PCNX1: variants seen among roughly 807,000 people sequenced by gnomAD.
PCNX1 encodes the protein pecanex-like protein 1.
In PCNX1, 78 loss-of-function variants were observed where a neutral mutation model predicts 242.2. That is an observed-to-expected ratio of 0.32 (90% CI 0.27 to 0.39). The LOEUF is 0.39. PCNX1 is among the 10% of genes least tolerant of loss of function. PCNX1 has a pLI of 1.00. For synonymous variants in PCNX1, 1,024 were observed against 1,032.9 expected (o/e 0.99, Z 0.17); for missense variants, 2,581 against 2,856.5 (o/e 0.90, Z 2.20).
At position 71,075,259 on chromosome 14, in the gene PCNX1, G is replaced by A. The variant is rs117262233; in HGVS notation, c.5107-930G>A. Among the ~76,000 whole-genome samples the A allele has an allele frequency of 8.9e-3, 1,361 of 152,112 alleles. 10 individuals are homozygous for A. The highest frequency in any genetic ancestry group is 0.012 in the Non-Finnish European group (841 of 67,970). ...TCCCACACTGGCCTCCCAAAGTGCT[G>A]GGGTTATAGGTGTGAGCCGCCATCC... On this transcript the variant is annotated intron_variant, in intron 27 of 35. Coordinates refer to ENST00000304743, the MANE Select transcript of PCNX1 (RefSeq NM_014982.3).
At chr14:70,963,648 A>C (rs770629882) in intron 3 of PCNX1, among the ~76,000 whole-genome samples, 1 of 152,230 alleles carries the variant, frequency 6.6e-6, no homozygotes, top group Non-Finnish European at 1.5e-5. Flanking sequence ...TTTAAAGTTA[A>C]AGTGAATGAC....
chr14:70,945,614 C>G (rs2057425274), intron 1 of PCNX1, among the ~76,000 whole-genome samples: 1 of 151,624 alleles, frequency 6.6e-6, no homozygotes, highest in South Asian at 2.1e-4. Flanking sequence ...TACCTGTATT[C>G]TAAACCTGTC....
chr14:71,088,236 G>T (rs1418972953), intron 28 of PCNX1, 94 bp from the exon 29 acceptor site: 4 of 643,656 alleles, frequency 6.2e-6, no homozygotes, highest in Admixed American at 2.4e-5. Flanking sequence ...TGTACTCTTT[G>T]AATTCTTTAT....
chr14:71,106,011 T>G (rs1467490954), intron 33 of PCNX1, among the ~76,000 whole-genome samples: 2 of 151,226 alleles, frequency 1.3e-5, no homozygotes, highest in Non-Finnish European at 2.9e-5. Flanking sequence ...TTTTTATTTT[T>G]TTTATTATTT....
chr14:71,024,570 C>T (rs982997309), intron 13 of PCNX1, among the ~76,000 whole-genome samples: 1 of 151,834 alleles, frequency 6.6e-6, no homozygotes, highest in Non-Finnish European at 1.5e-5. Flanking sequence ...TTGATAAGGC[C>T]GTGCTTTTTA....
intron 7 of PCNX1, among the ~76,000 whole-genome samples, chr14:70,990,306 A>G (rs553307226): frequency 7.9e-5 from 12 of 152,196 alleles, no homozygotes; most frequent in African/African-American, 2.9e-4. Flanking sequence ...TCATGCCTGT[A>G]ATCCCAGCAC....
At chr14:70,926,241 G>A (rs1015105669) in intron 1 of PCNX1, among the ~76,000 whole-genome samples, 2 of 152,090 alleles carry the variant, frequency 1.3e-5, no homozygotes, top group Non-Finnish European at 2.9e-5. Context: ...ATTATAAATG[G>A]ATTTCATTAA....
Position 71,101,967 on chromosome 14 carries a change from TTATA to T in PCNX1, c.5590-19_5590-16del. ...AGTTCTTTTATTTTCCTTTAAAAATTTATATATTATTTTTGTATTTAGGATCATT... is the reference window on the plus strand; with the variant it reads ...AGTTCTTTTATTTTCCTTTAAAAATTTATTATTTTTGTATTTAGGATCATT... On this transcript the variant is annotated intron_variant, in intron 30 of 35. Coordinates refer to ENST00000304743, the MANE Select transcript of PCNX1 (RefSeq NM_014982.3). The T allele has an allele frequency of 7.5e-7, 1 of 1,331,972 alleles. No homozygotes were observed. Among genetic ancestry groups the T allele is most frequent in the Non-Finnish European group, 1.0e-6 (1 of 970,236 alleles). The allele number at this position is 1,331,972 out of a possible 1,614,324, so 82.5% of individuals were successfully genotyped here.
At chr14:70,949,302 CAT>C (rs368756062) in intron 2 of PCNX1, among the ~76,000 whole-genome samples, 2,987 of 146,338 alleles carry the variant, frequency 0.02, 53 homozygotes, top group African/African-American at 0.034. Flanking sequence ...TGTGTACACA[CAT>C]ATGTGTGTAG....
rs2059267360 is a variant in PCNX1 at position 70,994,396 on chromosome 14, G to GATATATATATATGTATATATATATATAT, written c.2445-1333_2445-1332insGTATATATATATATATATATATATATAT. On this transcript the variant is annotated intron_variant, in intron 7 of 35. Transcript: ENST00000304743. Reference sequence around the variant, plus strand: ...TCTATTATCATAACCACAGGCTTAAGATATATATATATATATATATATATA... The same window carrying GATATATATATATGTATATATATATATAT: ...TCTATTATCATAACCACAGGCTTAAGATATATATATATGTATATATATATATATATATATATATATATATATATATATA... Among the ~76,000 whole-genome samples the GATATATATATATGTATATATATATATAT allele has an allele frequency of 6.2e-4, 60 of 96,954 alleles. 2 individuals carry two copies. The highest frequency in any genetic ancestry group is 1.0e-3 in the Non-Finnish European group (47 of 45,826). 63.6% of individuals were successfully genotyped at this position (96,954 alleles called of 152,430 possible).
In PCNX1 at chr14:71,019,758, G is replaced by A. The variant is rs543406243; in HGVS notation, c.3150+596G>A. On this transcript the variant is annotated intron_variant, in intron 12 of 35. Transcript: ENST00000304743. Reference sequence around the variant, plus strand: ...TGCATTCTTTTTTTTTTTAATAGTAGTAGTTTTTTTTATTATTATACTTTA... The same window carrying A: ...TGCATTCTTTTTTTTTTTAATAGTAATAGTTTTTTTTATTATTATACTTTA... Among the ~76,000 whole-genome samples, 5 of 151,660 alleles carry A rather than the reference G, an allele frequency of 3.3e-5. No individual in the cohort carries two copies. The South Asian group carries it at 1.0e-3, about 32-fold the overall frequency.
At chr14:70,988,249 C>A (rs1433614816) in intron 6 of PCNX1, among the ~76,000 whole-genome samples, 6 of 151,814 alleles carry the variant, frequency 4.0e-5, no homozygotes, top group African/African-American at 1.5e-4. Flanking sequence ...AATATGGGAC[C>A]AAAATAAATG....
chr14:71,034,861 A>T (rs765064416), intron 18 of PCNX1, among the ~76,000 whole-genome samples: 1 of 152,150 alleles, frequency 6.6e-6, no homozygotes, highest in Non-Finnish European at 1.5e-5. Flanking sequence ...GTATAGTAGG[A>T]TATTCTGAAT....
intron 28 of PCNX1, among the ~76,000 whole-genome samples, chr14:71,086,147 C>T (rs2061983978): frequency 6.6e-6 from 1 of 152,158 alleles, no homozygotes; most frequent in Admixed American, 6.5e-5. Flanking sequence ...CATTTTGTGT[C>T]TCTAGAAGTT....
intron 5 of PCNX1, among the ~76,000 whole-genome samples, chr14:70,972,956 A>G (rs959063049): frequency 6.6e-6 from 1 of 152,156 alleles, no homozygotes; most frequent in Non-Finnish European, 1.5e-5. Context: ...ATAGGTAGAA[A>G]AGTGAAAAGT....
intron 19 of PCNX1, among the ~76,000 whole-genome samples, chr14:71,043,465 A>T (rs886651673): frequency 6.6e-6 from 1 of 151,978 alleles, no homozygotes; most frequent in South Asian, 2.1e-4. Context: ...CACATATATC[A>T]TGTAAGCTTT....
chr14:71,112,324 T>G lies in PCNX1; in HGVS notation c.*2389T>G, dbSNP rs1231953084. On this transcript the variant is annotated 3_prime_UTR_variant, in exon 36 of 36. Transcript: ENST00000304743. ...CTTTATATGGAACATATATGTTGGGTTTTGATTTTGGGTAGCAATTGACAT... is the reference window on the plus strand; with the variant it reads ...CTTTATATGGAACATATATGTTGGGGTTTGATTTTGGGTAGCAATTGACAT... The G allele has an allele frequency of 6.6e-6, 1 of 152,068 alleles. No homozygotes were observed. The highest frequency in any genetic ancestry group is 1.5e-5 in the Non-Finnish European group (1 of 67,932). The allele number at this position is 152,068 out of a possible 1,614,324, so 9.4% of individuals were successfully genotyped here.
intron 28 of PCNX1, among the ~76,000 whole-genome samples, chr14:71,084,277 G>A (rs758917902): frequency 5.3e-5 from 8 of 152,216 alleles, no homozygotes; most frequent in Non-Finnish European, 8.8e-5. Context: ...TGTATGAGGT[G>A]TCTGTCGACC....
chr14:70,934,721 AG>A (rs1757699465), intron 1 of PCNX1, among the ~76,000 whole-genome samples: 1 of 152,226 alleles, frequency 6.6e-6, no homozygotes, highest in Admixed American at 6.5e-5. Context: ...AAAACATTAA[AG>A]TAGTCAGATT....
Sources: allele counts gnomAD v4.1 joint callset (sites outside exome capture counted in the v4.1 genomes callset), GRCh38; gene constraint gnomAD v4.1.1; transcripts MANE v1.5; gene names NCBI Gene and HGNC (gene_info 2026-07-23, HGNC 2026-07-21).